Variants in TET3 observed in about 807,000 individuals in gnomAD.
TET3 encodes tet methylcytosine dioxygenase 3, also known as methylcytosine dioxygenase TET3.
Under a neutral mutation model 141.4 loss-of-function variants are expected in TET3, and 19 were observed. That is an observed-to-expected ratio of 0.13 (90% CI 0.09 to 0.20). TET3 has a LOEUF of 0.20. Ranked by LOEUF, TET3 falls within the 10% of genes least tolerant of loss-of-function variation. The pLI is 1.00. For missense variants in TET3, 1,874 were observed against 2,356.9 expected, an observed-to-expected ratio of 0.80 and a Z score of 4.24; for synonymous variants, 1,043 against 980.9, an observed-to-expected ratio of 1.06 and a Z score of -1.18.
intron 3 of TET3, among the ~76,000 whole-genome samples, chr2:74,024,280 C>T (rs1453800537): frequency 6.6e-6 from 1 of 152,202 alleles, no homozygotes; most frequent in African/African-American, 2.4e-5. Context: ...GTCTTGTATG[C>T]TCATGGTTGG....
At position 74,046,708 on chromosome 2, in the gene TET3, G is replaced by A. The variant is rs755654877; in HGVS notation, c.791G>A (p.Arg264Gln). 15 of 1,613,956 alleles carry A rather than the reference G, an allele frequency of 9.3e-6. No individual in the cohort carries two copies. In the East Asian group the frequency reaches 1.1e-4, roughly 12 times the overall value. ...CTGCAGACGGCCCTGGCCCTCGCGCGGCATGGTATGAAACCACCCAACTGC... is the reference window on the plus strand; with the variant it reads ...CTGCAGACGGCCCTGGCCCTCGCGCAGCATGGTATGAAACCACCCAACTGC... ...DTLQTALALA[R>Q]HGMKPPNCNC... The change falls in exon 4 of 12, where the codon CGG becomes CAG. Residue 264 changes from arginine to glutamine, a missense_variant. Around this residue, in one of 10 missense-constraint regions of TET3, gnomAD observed 366 missense variants for 487.0 expected, o/e 0.75. Coordinates refer to ENST00000409262, the MANE Select transcript of TET3 (RefSeq NM_001287491.2). The surrounding 1 kb of genome is among the most constrained non-coding windows in gnomAD (Gnocchi z 4.3).
chr2:74,054,737 G>T (rs1218991044), intron 4 of TET3, among the ~76,000 whole-genome samples: 1 of 152,228 alleles, frequency 6.6e-6, no homozygotes, highest in Admixed American at 6.5e-5. Flanking sequence ...AGAACCAATG[G>T]ATAGTTTCAA....
At chr2:74,006,126 C>G (rs938289803) in intron 3 of TET3, among the ~76,000 whole-genome samples, 3 of 152,212 alleles carry the variant, frequency 2.0e-5, no homozygotes, top group African/African-American at 7.2e-5. Context: ...TGATCCTCGA[C>G]TTTCTATACA....
chr2:74,047,268 C>G lies in TET3; in HGVS notation c.1351C>G (p.Pro451Ala), dbSNP rs766702211. The change falls in exon 4 of 12, where the codon CCC (proline) becomes GCC (alanine). Residue 451 changes from proline (P) to alanine (A), a missense_variant. Around this residue, in one of 10 missense-constraint regions of TET3, gnomAD observed 484 missense variants for 462.2 expected, o/e 1.05. Coordinates refer to ENST00000409262, the MANE Select transcript of TET3 (RefSeq NM_001287491.2). ...TCCAGCAACGCCCCGGAGCTCCTGG[C>G]CCATGCCTCGCCCAAGCCCCGATCC... ...TPPATPRSSW[P>A]MPRPSPDPMA... The G allele has an allele frequency of 6.2e-7, 1 of 1,614,052 alleles. No homozygotes were observed. Among genetic ancestry groups the G allele is most frequent in the South Asian group, 1.1e-5 (1 of 91,088 alleles).
Position 74,101,274 on chromosome 2 carries a change from G to A in TET3, c.4486G>A (p.Glu1496Lys), listed in dbSNP as rs1427861890. The change falls in exon 12 of 12, where the codon GAG (glutamate) becomes AAG (lysine). Residue 1496 changes from glutamate to lysine, a missense_variant. This residue lies in a region of TET3 where 602 missense variants were observed against 590.2 expected (regional missense o/e 1.02). Transcript: ENST00000409262. The surrounding 1 kb of genome is among the most constrained non-coding windows in gnomAD (Gnocchi z 8.5). ...TGGCCAGTGGGGGCTGTTCCCCGGTGAGGGGCAGCAGGCAGCTTCCCACTC... is the reference window on the plus strand; with the variant it reads ...TGGCCAGTGGGGGCTGTTCCCCGGTAAGGGGCAGCAGGCAGCTTCCCACTC... ...TDGQWGLFPG[E>K]GQQAASHSGG... 4 of 1,612,804 alleles carry A rather than the reference G, an allele frequency of 2.5e-6. No homozygotes were observed. In the South Asian group the frequency reaches 4.4e-5, roughly 18 times the overall value.
chr2:74,099,195 G>T, intron 10 of TET3, 81 bp from the exon 11 acceptor site: 1 of 1,258,350 alleles, frequency 7.9e-7, no homozygotes, highest in Non-Finnish European at 1.1e-6. Flanking sequence ...ATGAGGTCAT[G>T]TGTTTTGGGT....
the TET3 span, among the ~76,000 whole-genome samples, chr2:74,123,392 G>A: frequency 6.6e-6 from 1 of 151,766 alleles, no homozygotes; most frequent in Non-Finnish European, 1.5e-5. Context: ...GCCAAGGCGG[G>A]CGGATCACGA....
chr2:74,000,912 C>A lies in TET3; in HGVS notation c.304-2198C>A, dbSNP rs576459213. ...TAAACTGTGGCAGCCGCTGCAGCAA[C>A]CGTACTAGTTGTTCCTTTCCAAGCA... is the stretch of plus-strand genomic sequence containing the variant. On this transcript the variant is annotated intron_variant, in intron 2 of 11. Coordinates refer to ENST00000409262, the MANE Select transcript of TET3 (RefSeq NM_001287491.2). Among the ~76,000 whole-genome samples, 4 of 152,232 alleles carry A rather than the reference C, an allele frequency of 2.6e-5. No individual in the cohort carries two copies. In the South Asian group the frequency reaches 8.3e-4, roughly 32 times the overall value.
At chr2:74,113,612 A>C in the TET3 span, among the ~76,000 whole-genome samples, 3 of 152,190 alleles carry the variant, frequency 2.0e-5, no homozygotes, top group Non-Finnish European at 4.4e-5. Flanking sequence ...TAAAAAAAAA[A>C]ATTACATACA....
intron 5 of TET3, 135 bp downstream of exon 5, chr2:74,073,774 G>A: frequency 1.6e-6 from 1 of 644,078 alleles, no homozygotes; most frequent in Non-Finnish European, 2.5e-6. Flanking sequence ...GCTTAGGGAA[G>A]GTTTACTGTG....
chr2:74,061,606 C>A (rs577922771), intron 4 of TET3, among the ~76,000 whole-genome samples: 1 of 148,020 alleles, frequency 6.8e-6, no homozygotes, highest in Admixed American at 6.7e-5. Flanking sequence ...TGACCCCCCC[C>A]ACCTCCCTCC....
the TET3 span, among the ~76,000 whole-genome samples, chr2:74,132,512 A>G: frequency 4.9e-4 from 75 of 152,178 alleles, no homozygotes; most frequent in African/African-American, 1.8e-3. Flanking sequence ...CTCAGCCTCC[A>G]GAGTTGCTAG....
chr2:74,088,573 G>C (rs962560985), intron 7 of TET3, among the ~76,000 whole-genome samples: 1 of 152,050 alleles, frequency 6.6e-6, no homozygotes, highest in African/African-American at 2.4e-5. Flanking sequence ...CTCGGGCGGC[G>C]GAAGTTGCAG....
chr2:74,067,635 C>T (rs1191156849), intron 4 of TET3, among the ~76,000 whole-genome samples: 1 of 152,112 alleles, frequency 6.6e-6, no homozygotes, highest in East Asian at 1.9e-4. Context: ...GGGAAAACAC[C>T]CTGAGAAAGT....
At chr2:74,128,992 T>TAAAAAAAAAAAA in the TET3 span, among the ~76,000 whole-genome samples, 5 of 77,924 alleles carry the variant, frequency 6.4e-5, no homozygotes, top group African/African-American at 2.4e-4. Context: ...TGTCTCAATT[T>TAAAAAAAAAAAA]AAAAAAAAAA....
intron 6 of TET3, among the ~76,000 whole-genome samples, chr2:74,085,952 CT>C (rs1368448212): frequency 6.6e-6 from 1 of 152,224 alleles, no homozygotes; most frequent in Non-Finnish European, 1.5e-5. Context: ...TTTCTTACCC[CT>C]TGCCATAGTT....
At chr2:74,068,090 G>A (rs1689006225) in intron 4 of TET3, among the ~76,000 whole-genome samples, 1 of 152,174 alleles carries the variant, frequency 6.6e-6, no homozygotes, top group African/African-American at 2.4e-5. Context: ...GAGGGGTGAG[G>A]AGCCTCCATG....
rs1224977602 is a variant in TET3 at position 74,100,279 on chromosome 2, A to G, written c.3605-114A>G. 8 of 1,197,760 alleles carry G rather than the reference A, an allele frequency of 6.7e-6. No individual in the cohort carries two copies. In the South Asian group the frequency reaches 8.9e-5, roughly 13 times the overall value. The allele number at this position is 1,197,760 out of a possible 1,614,324, so 74.2% of individuals were successfully genotyped here. On this transcript the variant is annotated intron_variant, in intron 11 of 11. Transcript: ENST00000409262. ...CTCAGCACCTCACCTGCCTGTCCCA[A>G]AAGAGGAAACATCCCTGGGAAAGAG...
At chr2:74,061,516 G>A (rs1477758623) in intron 4 of TET3, among the ~76,000 whole-genome samples, 7 of 144,650 alleles carry the variant, frequency 4.8e-5, no homozygotes, top group Admixed American at 4.8e-4. Flanking sequence ...TGGGCAGAGG[G>A]GCTCCTCACT....
Sources: allele counts gnomAD v4.1 joint callset (sites outside exome capture counted in the v4.1 genomes callset), GRCh38; gene constraint gnomAD v4.1.1; regional missense constraint gnomAD v4.1.1; non-coding constraint Gnocchi (gnomAD v3.1); transcripts MANE v1.5; gene names NCBI Gene and HGNC (gene_info 2026-07-23, HGNC 2026-07-21).